Variants in UNC13C observed in about 807,000 individuals in gnomAD.
UNC13C encodes unc-13 homolog C.
Under a neutral mutation model 245.4 loss-of-function variants are expected in UNC13C, and 174 were observed. The ratio of observed to expected loss-of-function variants is 0.71; its 90% confidence interval spans 0.63 to 0.80. The LOEUF (loss-of-function observed/expected upper bound fraction) is 0.80, where lower values mean the gene tolerates loss of function less well. Among genes scored for constraint, UNC13C ranks in the 30% least tolerant of loss-of-function variants. UNC13C has a pLI of 0.00. For missense variants in UNC13C, 2,829 were observed against 2,602.9 expected (o/e 1.09, Z -1.89); for synonymous variants, 992 against 895.1 (o/e 1.11, Z -1.93).
rs1240067114 is a variant in UNC13C, at chr15:54,463,508, G to A, written c.4934-31100G>A. On this transcript the variant is annotated intron_variant, in intron 19 of 32. Transcript: ENST00000260323. ...ACCACGAACCCACTGGGAGGAATGAGCAACTCTGGAGGAGAGGAGCAAGCA... is the reference window on the plus strand; with the variant it reads ...ACCACGAACCCACTGGGAGGAATGAACAACTCTGGAGGAGAGGAGCAAGCA... Among the ~76,000 whole-genome samples, 5 of 151,868 alleles carry A rather than the reference G, an allele frequency of 3.3e-5. No individual in the cohort carries two copies. In the East Asian group the frequency reaches 9.8e-4, roughly 30 times the overall value.
At chr15:53,863,062 C>T in the UNC13C span, among the ~76,000 whole-genome samples, 13 of 152,192 alleles carry the variant, frequency 8.5e-5, no homozygotes, top group South Asian at 2.1e-4. Flanking sequence ...TAAAATTTCT[C>T]TCCAGCTATA....
intron 18 of UNC13C, 88 bp from the exon 19 acceptor site, chr15:54,414,891 TAAC>T (rs1243196227): frequency 4.6e-5 from 32 of 701,184 alleles, no homozygotes; most frequent in Non-Finnish European, 6.3e-5. Context: ...AACTATGTAA[TAAC>T]TACTGTGGTA....
At position 54,393,193 on chromosome 15, in the gene UNC13C, G is replaced by A. The variant is rs906494044; in HGVS notation, c.4847+12G>A. 3.3e-6 allele frequency: 5 copies of A among 1,530,678 alleles called. No individual in the cohort carries two copies. The African/African-American group carries it at 7.0e-5, about 21-fold the overall frequency. 94.8% of individuals were successfully genotyped at this position (1,530,678 alleles called of 1,614,324 possible). A position where few individuals can be genotyped will look rare whatever the true frequency, so the allele number is the denominator to read the frequency against. On this transcript the variant is annotated intron_variant, in intron 18 of 32. Transcript: ENST00000260323. ...CCTGTCCTGAATCAGTAAGTACAAT[G>A]TTTTGGAAATGAATGGATTTTATTC...
rs1288020950 is a variant in UNC13C, at chr15:54,090,634, A to G, written c.2984-52384A>G. On this transcript the variant is annotated intron_variant, in intron 2 of 32. Transcript: ENST00000260323. Reference sequence around the variant, plus strand: ...CAATCACCAGGAAGTTATTCTGTACACTCCCAAACATTGTAATATTTCAAA... The same window carrying G: ...CAATCACCAGGAAGTTATTCTGTACGCTCCCAAACATTGTAATATTTCAAA... Among the ~76,000 whole-genome samples, 6 of 152,238 alleles carry G rather than the reference A, an allele frequency of 3.9e-5. No homozygotes were observed. In the South Asian group the frequency reaches 1.0e-3, roughly 26 times the overall value.
intron 2 of UNC13C, among the ~76,000 whole-genome samples, chr15:54,091,117 G>T (rs1899549522): frequency 6.6e-6 from 1 of 152,112 alleles, no homozygotes; most frequent in Non-Finnish European, 1.5e-5. Context: ...CCTCAGTGGG[G>T]TTCCCCTGCC....
At chr15:54,284,473 G>A (rs888905587) in intron 10 of UNC13C, among the ~76,000 whole-genome samples, 2 of 152,164 alleles carry the variant, frequency 1.3e-5, no homozygotes, top group African/African-American at 2.4e-5. Flanking sequence ...ATCTTTATGT[G>A]GGTTTTGAAA....
chr15:54,292,471 T>A (rs1008894401), intron 10 of UNC13C, among the ~76,000 whole-genome samples: 9 of 151,968 alleles, frequency 5.9e-5, no homozygotes, highest in Admixed American at 2.0e-4. Context: ...GAAACAGTGG[T>A]GCTACAATTC....
chr15:54,587,933 G>T (rs1461781052), intron 30 of UNC13C, among the ~76,000 whole-genome samples: 1 of 152,154 alleles, frequency 6.6e-6, no homozygotes, highest in Admixed American at 6.5e-5. Flanking sequence ...TATTCACTGT[G>T]CATTTGTTAT....
At chr15:54,156,469 C>A (rs2032749847) in intron 4 of UNC13C, among the ~76,000 whole-genome samples, 1 of 152,114 alleles carries the variant, frequency 6.6e-6, no homozygotes, top group Admixed American at 6.5e-5. Context: ...CTTCAGGAAA[C>A]AATACTTGAA....
rs1057390113 is a variant in UNC13C, at chr15:54,407,504, A to C, written c.4848-7478A>C. Among the ~76,000 whole-genome samples, 3 of 152,360 alleles carry C rather than the reference A, an allele frequency of 2.0e-5. No individual in the cohort carries two copies. The South Asian group carries it at 6.2e-4, about 32-fold the overall frequency. On this transcript the variant is annotated intron_variant, in intron 18 of 32. Coordinates refer to ENST00000260323, the MANE Select transcript of UNC13C (RefSeq NM_001080534.3). Reference sequence around the variant, plus strand: ...AAAAAGTACCATAGAGTGGAGGTAAAGTAAAATAAAATACAGGCTTCGGAA... The same window carrying C: ...AAAAAGTACCATAGAGTGGAGGTAACGTAAAATAAAATACAGGCTTCGGAA...
chr15:54,237,999 C>T (rs946851143), intron 7 of UNC13C, among the ~76,000 whole-genome samples: 2 of 151,196 alleles, frequency 1.3e-5, no homozygotes, highest in African/African-American at 2.4e-5. Flanking sequence ...GCCTCTTTTA[C>T]GAGGTTTTCC....
chr15:54,553,114 A>ATTACAATATATAATATATATTGTATTCTG lies in UNC13C; in HGVS notation c.5878-2317_5878-2316insTACAATATATAATATATATTGTATTCTGT, dbSNP rs1566905776. On this transcript the variant is annotated intron_variant, in intron 28 of 32. Transcript: ENST00000260323. ...CAATATATAATATATATTGTATTCT[A>ATTACAATATATAATATATATTGTATTCTG]TATTACAATATATAATATATAGTAT... 3.5e-4 allele frequency among the ~76,000 whole-genome samples: 31 copies of ATTACAATATATAATATATATTGTATTCTG among 89,456 alleles called. 2 individuals are homozygous for ATTACAATATATAATATATATTGTATTCTG. The highest frequency in any genetic ancestry group is 2.6e-3 in the East Asian group (7 of 2,740). The allele number at this position is 89,456 out of a possible 152,430, so 58.7% of individuals were successfully genotyped here. A position where few individuals can be genotyped will look rare whatever the true frequency, so the allele number is the denominator to read the frequency against.
chr15:54,490,530 C>G (rs1471213638), intron 19 of UNC13C, among the ~76,000 whole-genome samples: 1 of 152,116 alleles, frequency 6.6e-6, no homozygotes, highest in Non-Finnish European at 1.5e-5. Context: ...AATTGAAGAA[C>G]AAATGGGTTA....
intron 4 of UNC13C, among the ~76,000 whole-genome samples, chr15:54,181,197 C>A (rs1567074505): frequency 6.6e-6 from 1 of 152,104 alleles, no homozygotes; most frequent in East Asian, 1.9e-4. Flanking sequence ...GGTAGGGATA[C>A]ACTTTTATTC....
intron 18 of UNC13C, among the ~76,000 whole-genome samples, chr15:54,401,201 C>T (rs371074245): frequency 6.6e-6 from 1 of 152,012 alleles, no homozygotes; most frequent in Non-Finnish European, 1.5e-5. Context: ...CTCTATTGAA[C>T]TTTTATCATC....
intron 12 of UNC13C, among the ~76,000 whole-genome samples, chr15:54,298,647 A>C (rs2037497757): frequency 6.6e-6 from 1 of 152,158 alleles, no homozygotes; most frequent in Non-Finnish European, 1.5e-5. Flanking sequence ...CAGTTTCACC[A>C]GTTCCCTTTT....
intron 17 of UNC13C, among the ~76,000 whole-genome samples, chr15:54,364,033 A>G (rs2039299529): frequency 6.6e-6 from 1 of 152,212 alleles, no homozygotes; most frequent in African/African-American, 2.4e-5. Context: ...TCAATTCAGT[A>G]CAGGCACTCT....
intron 19 of UNC13C, among the ~76,000 whole-genome samples, chr15:54,457,991 G>A (rs1319669420): frequency 1.4e-5 from 2 of 139,098 alleles, no homozygotes; most frequent in Admixed American, 1.5e-4. Flanking sequence ...TTGTCTACTT[G>A]TGCTGTTTCA....
chr15:54,482,077 A>G (rs1010000816), intron 19 of UNC13C, among the ~76,000 whole-genome samples: 2 of 151,862 alleles, frequency 1.3e-5, no homozygotes, highest in African/African-American at 2.4e-5. Context: ...CTTTTTTCTC[A>G]TGGCAGCCTC....
Sources: gnomAD v4.1 joint callset for allele counts (sites outside exome capture counted in the v4.1 genomes callset) on GRCh38, gnomAD v4.1.1 for gene constraint, MANE v1.5 for transcripts, NCBI Gene and HGNC (gene_info 2026-07-23, HGNC 2026-07-21) for gene names.